RPS6KA2: variants seen among roughly 807,000 people sequenced by gnomAD.
RPS6KA2 encodes the protein ribosomal protein S6 kinase A2.
A neutral mutation model predicts 91.8 loss-of-function variants in RPS6KA2; 42 were observed. The ratio of observed to expected loss-of-function variants is 0.46; its 90% CI spans 0.36 to 0.59. The LOEUF (loss-of-function observed/expected upper bound fraction) is 0.59. Among genes scored for constraint, RPS6KA2 ranks in the 20% least tolerant of loss-of-function variants. RPS6KA2 has a pLI of 0.00. For missense variants in RPS6KA2, 798 were observed against 978.5 expected, an observed-to-expected ratio of 0.82 and a Z score of 2.46; for synonymous variants, 414 against 393.6, an observed-to-expected ratio of 1.05 and a Z score of -0.61.
chr6:166,432,575 A>T lies in RPS6KA2; in HGVS notation c.1333-85T>A. On this transcript the variant is annotated intron_variant, in intron 14 of 20. Transcript: ENST00000265678. ...GCTGGTGGACCATTGAGTTTGGATA[A>T]AGTCTGGCCCCAGGTGGCCCAATCA... 3.7e-6 allele frequency: 3 copies of T among 806,172 alleles called. No individual in the cohort carries two copies. The South Asian group carries it at 4.7e-5, about 13-fold the overall frequency. 49.9% of individuals were successfully genotyped at this position (806,172 alleles called of 1,614,324 possible). A position where few individuals can be genotyped will look rare whatever the true frequency, so the allele number is the denominator to read the frequency against.
At chr6:166,657,054 C>A (rs926173795) in intron 2 of RPS6KA2, among the ~76,000 whole-genome samples, 6 of 152,040 alleles carry the variant, frequency 3.9e-5, no homozygotes, top group African/African-American at 1.4e-4. Context: ...ACCCAGGAAA[C>A]GGGAAGAGCC....
At chr6:166,779,448 G>A (rs370091270) in intron 2 of RPS6KA2, among the ~76,000 whole-genome samples, 10 of 152,176 alleles carry the variant, frequency 6.6e-5, no homozygotes, top group South Asian at 2.1e-4. Flanking sequence ...AGGGACCCCC[G>A]GGCTTCACAA....
At position 166,462,157 on chromosome 6, in the gene RPS6KA2, C is replaced by T. The variant is rs566560281; in HGVS notation, c.973-2606G>A. 7.9e-5 allele frequency among the ~76,000 whole-genome samples: 12 copies of T among 152,312 alleles called. No homozygotes were observed. In the South Asian group the frequency reaches 2.5e-3, roughly 32 times the overall value. On this transcript the variant is annotated intron_variant, in intron 11 of 20. Transcript: ENST00000265678. ...TCACCCTTCCTGCCTTGTTTCTGCT[C>T]CAACCCTCAAAAGTGCAACGTCAAC...
At chr6:166,479,442 C>A (rs1309890679) in intron 10 of RPS6KA2, among the ~76,000 whole-genome samples, 1 of 152,184 alleles carries the variant, frequency 6.6e-6, no homozygotes, top group African/African-American at 2.4e-5. Context: ...GCGGCCCCGG[C>A]CACAGTGAGA....
intron 2 of RPS6KA2, among the ~76,000 whole-genome samples, chr6:166,677,280 A>G (rs926991853): frequency 2.0e-5 from 3 of 152,292 alleles, no homozygotes; most frequent in African/African-American, 7.2e-5. Flanking sequence ...TCTGAGAAAT[A>G]GAGATATAAA....
intron 14 of RPS6KA2, among the ~76,000 whole-genome samples, chr6:166,438,426 G>A (rs1779414339): frequency 6.6e-6 from 1 of 152,254 alleles, no homozygotes; most frequent in African/African-American, 2.4e-5. Context: ...CGTCACTACA[G>A]TTAACAGCTG....
At chr6:166,555,303 C>A (rs572428842) in intron 1 of RPS6KA2, among the ~76,000 whole-genome samples, 16 of 152,216 alleles carry the variant, frequency 1.1e-4, no homozygotes, top group Non-Finnish European at 1.8e-4. Flanking sequence ...TAGCTCTAGA[C>A]ACTGACCACC....
At chr6:166,486,066 G>A (rs1313033649) in intron 10 of RPS6KA2, among the ~76,000 whole-genome samples, 1 of 152,142 alleles carries the variant, frequency 6.6e-6, no homozygotes. Flanking sequence ...CACATCTCTT[G>A]GAAATGTGGC....
chr6:166,752,391 G>C lies in RPS6KA2; in HGVS notation c.123+105809C>G, dbSNP rs151147851. Among the ~76,000 whole-genome samples, 347 of 152,322 alleles carry C rather than the reference G, an allele frequency of 2.3e-3. 1 individual carries two copies. The highest frequency in any genetic ancestry group is 7.9e-3 in the African/African-American group (328 of 41,562). ...CAGCGAGCGGACACACTGAAGTCTA[G>C]AGAGGCAATTTAGAATGAATGGAAA... On this transcript the variant is annotated intron_variant, in intron 2 of 21. Coordinates refer to the RPS6KA2 transcript ENST00000503859.
intron 16 of RPS6KA2, among the ~76,000 whole-genome samples, chr6:166,424,459 T>C (rs1462502792): frequency 7.9e-6 from 1 of 125,816 alleles, no homozygotes; most frequent in Non-Finnish European, 1.5e-5. Flanking sequence ...TAAGACAGTA[T>C]TTCCTGCTTC....
intron 2 of RPS6KA2, among the ~76,000 whole-genome samples, chr6:166,812,311 G>C (rs4710109): frequency 1.3e-5 from 2 of 151,906 alleles, no homozygotes; most frequent in Admixed American, 1.3e-4. Flanking sequence ...AGCCAAGATC[G>C]TGCTGCTGCA....
chr6:166,588,597 A>G (rs1785260338), intron 1 of RPS6KA2, among the ~76,000 whole-genome samples: 1 of 152,180 alleles, frequency 6.6e-6, no homozygotes, highest in South Asian at 2.1e-4. Context: ...TGATTTTGCC[A>G]TCTAATTTGT....
At chr6:166,723,883 A>G (rs1237847760) in intron 2 of RPS6KA2, among the ~76,000 whole-genome samples, 1 of 151,974 alleles carries the variant, frequency 6.6e-6, no homozygotes, top group South Asian at 2.1e-4. Flanking sequence ...TATTTTTAGT[A>G]GAGATGGGGT....
In RPS6KA2 at chr6:166,710,986, C is replaced by T. The variant is rs1462415080; in HGVS notation, c.123+147214G>A. On this transcript the variant is annotated intron_variant, in intron 2 of 21. Transcript: ENST00000503859. Reference sequence around the variant, plus strand: ...CAAACAACACAGAAAAACCTTGGCCCCACCTTCACCCATGCCAGTAAAGGC... The same window carrying T: ...CAAACAACACAGAAAAACCTTGGCCTCACCTTCACCCATGCCAGTAAAGGC... Among the ~76,000 whole-genome samples, 5 of 152,114 alleles carry T rather than the reference C, an allele frequency of 3.3e-5. No homozygotes were observed. The East Asian group carries it at 9.7e-4, about 29-fold the overall frequency.
intron 2 of RPS6KA2, among the ~76,000 whole-genome samples, chr6:166,642,957 T>C (rs539102869): frequency 1.3e-4 from 20 of 152,294 alleles, no homozygotes; most frequent in Admixed American, 1.3e-4. Context: ...TGACCTCTTG[T>C]TAAAGAACAC....
chr6:166,791,868 G>C (rs1347898903), intron 2 of RPS6KA2, among the ~76,000 whole-genome samples: 15 of 151,794 alleles, frequency 9.9e-5, no homozygotes, highest in African/African-American at 3.6e-4. Flanking sequence ...TCAAAGCAGT[G>C]TGTAGAGGGA....
In RPS6KA2 at chr6:166,457,825, G is replaced by T. The variant is rs554714619; in HGVS notation, c.1075+1624C>A. Among the ~76,000 whole-genome samples the T allele has an allele frequency of 7.0e-4, 107 of 152,304 alleles. 1 individual carries two copies. The highest frequency in any genetic ancestry group is 2.1e-4 in the Non-Finnish European group (14 of 68,034). On this transcript the variant is annotated intron_variant, in intron 12 of 20. Transcript: ENST00000265678. Reference sequence around the variant, plus strand: ...CAGCTGAATCTGGAGGAACAAAGTGGATTCTCTAACTTCATCTACCTGACA... The same window carrying T: ...CAGCTGAATCTGGAGGAACAAAGTGTATTCTCTAACTTCATCTACCTGACA...
Position 166,665,666 on chromosome 6 carries a change from CT to C in RPS6KA2, c.124-126883del, listed in dbSNP as rs565256800. Among the ~76,000 whole-genome samples the C allele has an allele frequency of 2.6e-3, 396 of 152,312 alleles. 2 individuals carry two copies. Among genetic ancestry groups the C allele is most frequent in the African/African-American group, 9.0e-3 (375 of 41,562 alleles). On this transcript the variant is annotated intron_variant, in intron 2 of 21. Transcript: ENST00000503859. This position sits in a 1 kb window ranked among gnomAD's most constrained non-coding sequence, Gnocchi z 4.5. ...ACAAGCACCGGAGACATGAAGTTTG[CT>C]ACTGAAGGTCTCCCAGCAAGCTGCA... is the stretch of plus-strand genomic sequence containing the variant.
At chr6:166,573,625 T>C (rs1784754156) in intron 1 of RPS6KA2, among the ~76,000 whole-genome samples, 1 of 152,222 alleles carries the variant, frequency 6.6e-6, no homozygotes, top group Non-Finnish European at 1.5e-5. Context: ...TTTGTCACAC[T>C]GACTCTGTGG....
Sources: allele counts gnomAD v4.1 joint callset (sites outside exome capture counted in the v4.1 genomes callset), GRCh38; gene constraint gnomAD v4.1.1; non-coding constraint Gnocchi (gnomAD v3.1); transcripts MANE v1.5; gene names NCBI Gene and HGNC (gene_info 2026-07-23, HGNC 2026-07-21).